The following EPHB1 variants were observed in gnomAD, a reference collection of about 807,000 sequenced individuals.
The protein encoded by EPHB1 is EPH receptor B1, also known as ephrin type-B receptor 1.
A neutral mutation model predicts 94.4 loss-of-function variants in EPHB1; 30 were observed. The observed-to-expected ratio is 0.32, with a 90% CI of 0.24 to 0.43. EPHB1 has a LOEUF of 0.43. Ranked by LOEUF, EPHB1 falls within the 20% of genes least tolerant of loss-of-function variation. The pLI, the probability that EPHB1 is intolerant of heterozygous loss-of-function variation, is 1.00. For missense variants in EPHB1, 1,055 were observed against 1,308.3 expected, an observed-to-expected ratio of 0.81 and a Z score of 2.99; for synonymous variants, 522 against 489.1, an observed-to-expected ratio of 1.07 and a Z score of -0.89.
intron 1 of EPHB1, among the ~76,000 whole-genome samples, chr3:134,894,115 C>G (rs2038041296): frequency 6.6e-6 from 1 of 152,212 alleles, no homozygotes; most frequent in Admixed American, 6.5e-5. Context: ...AGCAGGGATT[C>G]TAAGCTGAAA....
chr3:135,124,780 T>A (rs1235280457), intron 4 of EPHB1, among the ~76,000 whole-genome samples: 2 of 151,664 alleles, frequency 1.3e-5, no homozygotes, highest in Non-Finnish European at 2.9e-5. Flanking sequence ...CTCACATGGC[T>A]GTTAGAAAAA....
At chr3:135,199,900 T>C (rs1434053498) in intron 11 of EPHB1, among the ~76,000 whole-genome samples, 3 of 152,218 alleles carry the variant, frequency 2.0e-5, no homozygotes, top group Non-Finnish European at 2.9e-5. Flanking sequence ...TGTGAGTGCA[T>C]TGTGTAACAT....
At chr3:134,819,404 T>C (rs1053547646) in intron 1 of EPHB1, among the ~76,000 whole-genome samples, 2 of 152,122 alleles carry the variant, frequency 1.3e-5, no homozygotes, top group African/African-American at 2.4e-5. Flanking sequence ...TGTGGTGATC[T>C]CCCAGACCAG....
intron 15 of EPHB1, among the ~76,000 whole-genome samples, chr3:135,256,065 T>G (rs1464070396): frequency 1.3e-5 from 2 of 152,096 alleles, no homozygotes; most frequent in South Asian, 2.1e-4. Context: ...GTTTTCCATT[T>G]GCTTGGTAGA....
At chr3:135,173,626 G>A (rs867330503) in intron 9 of EPHB1, among the ~76,000 whole-genome samples, 1 of 152,116 alleles carries the variant, frequency 6.6e-6, no homozygotes, top group Non-Finnish European at 1.5e-5. Context: ...GGTCGGTGGG[G>A]CAGACTATTT....
chr3:134,919,858 G>GTGTGTGTGTGTGTA (rs2038646768), intron 1 of EPHB1, among the ~76,000 whole-genome samples: 2 of 152,028 alleles, frequency 1.3e-5, no homozygotes, highest in African/African-American at 4.8e-5. Flanking sequence ...GTGTGTGTGT[G>GTGTGTGTGTGTGTA]TGTGTGTATG....
intron 12 of EPHB1, among the ~76,000 whole-genome samples, chr3:135,224,904 A>G (rs760455636): frequency 1.3e-5 from 2 of 152,204 alleles, no homozygotes; most frequent in Non-Finnish European, 2.9e-5. Context: ...GGCCAAGAAC[A>G]TTAAGATTCT....
intron 1 of EPHB1, among the ~76,000 whole-genome samples, chr3:134,829,661 T>C (rs965426076): frequency 1.3e-5 from 2 of 152,186 alleles, no homozygotes; most frequent in Non-Finnish European, 2.9e-5. Context: ...AAAAGGTATG[T>C]TAAAATCTTA....
chr3:135,181,972 T>C (rs896194336), intron 10 of EPHB1, among the ~76,000 whole-genome samples: 1 of 152,154 alleles, frequency 6.6e-6, no homozygotes, highest in African/African-American at 2.4e-5. Context: ...CTCTGCCCAG[T>C]TACTCTGCCC....
At chr3:135,103,902 C>T (rs1197641981) in intron 3 of EPHB1, among the ~76,000 whole-genome samples, 4 of 152,310 alleles carry the variant, frequency 2.6e-5, no homozygotes, top group Admixed American at 1.3e-4. Context: ...CATCAGAAAC[C>T]TCAGAGGAGG....
rs184457661 is a variant in EPHB1, at chr3:134,823,126, G to C, written c.58+27437G>C. ...TTAAAAGCTCCACTGGCTTTGCCTT[G>C]GGCCTGAGGCCTCTCAGATAATTGC... On this transcript the variant is annotated intron_variant, in intron 1 of 15. Coordinates refer to ENST00000398015, the MANE Select transcript of EPHB1 (RefSeq NM_004441.5). Among the ~76,000 whole-genome samples, 421 of 152,284 alleles carry C rather than the reference G, an allele frequency of 2.8e-3. 1 individual carries two copies. Among genetic ancestry groups the C allele is most frequent in the African/African-American group, 9.5e-3 (395 of 41,566 alleles).
chr3:135,229,940 T>C (rs919294322), intron 12 of EPHB1, among the ~76,000 whole-genome samples: 1 of 152,174 alleles, frequency 6.6e-6, no homozygotes, highest in Non-Finnish European at 1.5e-5. Context: ...AATGGCATCA[T>C]GGCCTACTGA....
chr3:135,039,598 G>A (rs1455517256), intron 3 of EPHB1, among the ~76,000 whole-genome samples: 4 of 152,238 alleles, frequency 2.6e-5, no homozygotes, highest in Non-Finnish European at 5.9e-5. Context: ...AAGGCCCGGC[G>A]AGAAATCGAG....
intron 3 of EPHB1, among the ~76,000 whole-genome samples, chr3:135,090,728 C>T (rs1019493224): frequency 6.6e-6 from 1 of 152,174 alleles, no homozygotes; most frequent in African/African-American, 2.4e-5. Flanking sequence ...AAGGACAGGG[C>T]AGTGTAGGGG....
intron 3 of EPHB1, among the ~76,000 whole-genome samples, chr3:135,076,665 A>T (rs1937935812): frequency 6.6e-6 from 1 of 152,250 alleles, no homozygotes; most frequent in Admixed American, 6.5e-5. Flanking sequence ...AGCATTATTC[A>T]TAATAGCCAA....
chr3:134,830,025 G>C (rs1560252921), intron 1 of EPHB1, among the ~76,000 whole-genome samples: 1 of 152,198 alleles, frequency 6.6e-6, no homozygotes, highest in African/African-American at 2.4e-5. Context: ...TGTGAGATAA[G>C]TCTCTGTTGT....
At chr3:135,143,286 G>A (rs770815010) in intron 5 of EPHB1, among the ~76,000 whole-genome samples, 14 of 152,158 alleles carry the variant, frequency 9.2e-5, no homozygotes, top group African/African-American at 1.7e-4. Context: ...ATGGAAGCCC[G>A]CCTGTGCAGC....
chr3:135,010,144 G>A (rs1197967165), intron 3 of EPHB1, among the ~76,000 whole-genome samples: 1 of 152,136 alleles, frequency 6.6e-6, no homozygotes, highest in African/African-American at 2.4e-5. Flanking sequence ...AAATGAAAGT[G>A]CAAAAATTGC....
chr3:135,070,874 T>C (rs1937682976), intron 3 of EPHB1, among the ~76,000 whole-genome samples: 1 of 152,194 alleles, frequency 6.6e-6, no homozygotes, highest in African/African-American at 2.4e-5. Context: ...GCTCTGTAAC[T>C]GCAACAAGTA....
Sources: gnomAD v4.1 joint callset for allele counts (sites outside exome capture counted in the v4.1 genomes callset) on GRCh38, gnomAD v4.1.1 for gene constraint, MANE v1.5 for transcripts, NCBI Gene and HGNC (gene_info 2026-07-23, HGNC 2026-07-21) for gene names.